NELL2: variants seen among roughly 807,000 people sequenced by gnomAD.
The protein encoded by NELL2 is protein kinase C-binding protein NELL2.
A neutral mutation model predicts 109.6 loss-of-function variants in NELL2; 41 were observed. The ratio of observed to expected loss-of-function variants is 0.37; its 90% CI spans 0.29 to 0.49. The LOEUF (loss-of-function observed/expected upper bound fraction) is 0.49, where lower values mean the gene tolerates loss of function less well. Ranked by LOEUF, NELL2 falls within the 20% of genes least tolerant of loss-of-function variation. NELL2 has a pLI of 0.98. For synonymous variants in NELL2, 355 were observed against 344.7 expected, an observed-to-expected ratio of 1.03 and a Z score of -0.33; for missense variants, 900 against 1,008.3, an observed-to-expected ratio of 0.89 and a Z score of 1.45.
intron 15 of NELL2, among the ~76,000 whole-genome samples, chr12:44,566,041 G>C (rs1943645487): frequency 6.6e-6 from 1 of 152,124 alleles, no homozygotes; most frequent in Non-Finnish European, 1.5e-5. Context: ...GACAGGGAAA[G>C]GAAACTTAGG....
At chr12:44,568,915 T>C (rs373223732) in intron 15 of NELL2, among the ~76,000 whole-genome samples, 16 of 152,260 alleles carry the variant, frequency 1.1e-4, no homozygotes, top group East Asian at 7.7e-4. Flanking sequence ...GGGGTGTATG[T>C]GCAGGTTTGT....
At chr12:44,809,151 T>C (rs1388445274) in intron 3 of NELL2, among the ~76,000 whole-genome samples, 1 of 151,996 alleles carries the variant, frequency 6.6e-6, no homozygotes, top group Non-Finnish European at 1.5e-5. Flanking sequence ...CCAAATCACA[T>C]GAAGGATAAC....
At chr12:44,681,560 C>G (rs938046928) in intron 12 of NELL2, among the ~76,000 whole-genome samples, 24 of 152,056 alleles carry the variant, frequency 1.6e-4, no homozygotes, top group Non-Finnish European at 1.6e-4. Flanking sequence ...AATGCTATCC[C>G]TCCCCTCTCC....
intron 15 of NELL2, among the ~76,000 whole-genome samples, chr12:44,589,987 C>T (rs753948677): frequency 6.6e-6 from 1 of 152,080 alleles, no homozygotes; most frequent in Non-Finnish European, 1.5e-5. Context: ...ATTCCTTTCC[C>T]TGAGTCACAC....
Position 44,522,106 on chromosome 12 carries a change from G to C in NELL2, c.2069C>G (p.Pro690Arg). 1 of 1,613,800 alleles carries C rather than the reference G, an allele frequency of 6.2e-7. No homozygotes were observed. The highest frequency in any genetic ancestry group is 8.5e-7 in the Non-Finnish European group (1 of 1,179,902). The change falls in exon 18 of 20, where the codon CCT becomes CGT. Residue 690 changes from proline (P) to arginine (R), a missense_variant. By Grantham distance (103) the Pro-to-Arg change is moderately radical. Coordinates refer to ENST00000429094, the MANE Select transcript of NELL2 (RefSeq NM_001145108.2). ...ENPTVDLFCC[P>R]ECDPRLSSQC... Reference sequence around the variant, plus strand: ...ACTACTAAGCCTTGGGTCACATTCAGGGCAGCAAAAAAGATCAACTGTGGG... The same window carrying C: ...ACTACTAAGCCTTGGGTCACATTCACGGCAGCAAAAAAGATCAACTGTGGG...
At chr12:44,521,898 T>C (rs1356536089) in intron 18 of NELL2, 102 bp downstream of exon 18, 1 of 1,142,274 alleles carries the variant, frequency 8.8e-7, no homozygotes, top group African/African-American at 1.5e-5. Flanking sequence ...CTGTCAACAC[T>C]GTGGCCTGGT....
rs1186378056 is a variant in NELL2, at chr12:44,886,134, AG to A, written c.39-10235del. Among the ~76,000 whole-genome samples, 401 of 151,434 alleles carry A rather than the reference AG, an allele frequency of 2.6e-3. 6 individuals are homozygous for A. The highest frequency in any genetic ancestry group is 9.1e-3 in the African/African-American group (372 of 41,078). On this transcript the variant is annotated intron_variant, in intron 1 of 20. Coordinates refer to the NELL2 transcript ENST00000333837. ...AAGGAAGGAAGGAAGGAAGGAAGGA[AG>A]GAAGGAAGGAAGAAAGGGAGAGAAT...
intron 13 of NELL2, among the ~76,000 whole-genome samples, chr12:44,614,297 A>G (rs1245714067): frequency 6.6e-6 from 1 of 152,030 alleles, no homozygotes; most frequent in Non-Finnish European, 1.5e-5. Context: ...TGTGTCTATG[A>G]ATTTGAAATT....
chr12:44,876,538 C>A (rs1945332126), upstream of NELL2: 3 of 1,441,206 alleles, frequency 2.1e-6, no homozygotes, highest in Non-Finnish European at 1.8e-6. Flanking sequence ...CCGGGCAATG[C>A]CAACCTCCTT....
intron 9 of NELL2, among the ~76,000 whole-genome samples, chr12:44,727,204 T>C (rs1939128565): frequency 6.6e-6 from 1 of 152,130 alleles, no homozygotes; most frequent in Admixed American, 6.6e-5. Flanking sequence ...TGAAAATATC[T>C]GTGTGGAATC....
rs763048826 is a variant in NELL2, at chr12:44,816,114, T to C, written c.207A>G (p.Ala69=). 4 of 1,609,868 alleles carry C rather than the reference T, an allele frequency of 2.5e-6. No homozygotes were observed. The South Asian group carries it at 4.4e-5, about 18-fold the overall frequency. Residue 69 remains alanine (A), a synonymous_variant, in exon 3 of 20, where the codon GCA becomes GCG. Transcript: ENST00000429094. ...LFQDTPRSIK[A]STATAEQFFQ... ...AAAACTGTTCAGCTGTAGCAGTGGATGCTTTTATGCTTCTGGGAGTATCTA... is the reference window on the plus strand; with the variant it reads ...AAAACTGTTCAGCTGTAGCAGTGGACGCTTTTATGCTTCTGGGAGTATCTA...
intron 9 of NELL2, among the ~76,000 whole-genome samples, chr12:44,721,465 T>C (rs1436988070): frequency 1.3e-5 from 2 of 152,162 alleles, no homozygotes; most frequent in Non-Finnish European, 2.9e-5. Flanking sequence ...AGAAATATAA[T>C]GTATAATATA....
chr12:44,668,641 G>T (rs1351040177), intron 12 of NELL2, among the ~76,000 whole-genome samples: 1 of 151,832 alleles, frequency 6.6e-6, no homozygotes, highest in East Asian at 1.9e-4. Flanking sequence ...GTATAGGCCC[G>T]CCATGCCTGC....
At chr12:44,673,898 T>C (rs915139626) in intron 12 of NELL2, among the ~76,000 whole-genome samples, 2 of 152,006 alleles carry the variant, frequency 1.3e-5, no homozygotes, top group African/African-American at 4.8e-5. Flanking sequence ...TAAACACTCA[T>C]AATGTACATA....
At chr12:44,559,705 C>T (rs1943396763) in intron 15 of NELL2, among the ~76,000 whole-genome samples, 1 of 152,160 alleles carries the variant, frequency 6.6e-6, no homozygotes, top group Non-Finnish European at 1.5e-5. Context: ...TACAAAGAGA[C>T]TTAGACTCCC....
At chr12:44,699,244 T>C (rs1331560735) in intron 12 of NELL2, among the ~76,000 whole-genome samples, 1 of 152,082 alleles carries the variant, frequency 6.6e-6, no homozygotes, top group Admixed American at 6.6e-5. Flanking sequence ...TGGATGGCGA[T>C]GAATATATAA....
At chr12:44,898,996 G>T (rs1472475305) in intron 1 of NELL2, among the ~76,000 whole-genome samples, 2 of 151,354 alleles carry the variant, frequency 1.3e-5, no homozygotes, top group African/African-American at 4.9e-5. Flanking sequence ...TCAAGTGGAG[G>T]AAAGGATATC....
chr12:44,750,597 A>G (rs1033589391), intron 9 of NELL2, among the ~76,000 whole-genome samples: 1 of 152,178 alleles, frequency 6.6e-6, no homozygotes, highest in Non-Finnish European at 1.5e-5. Context: ...CACTAGATTC[A>G]GGTGACCATT....
At chr12:44,668,151 C>T (rs999497843) in intron 12 of NELL2, among the ~76,000 whole-genome samples, 9 of 152,136 alleles carry the variant, frequency 5.9e-5, no homozygotes, top group Admixed American at 2.0e-4. Context: ...CAGCTGGACC[C>T]ATCAGTGCAA....
Sources: allele counts gnomAD v4.1 joint callset (sites outside exome capture counted in the v4.1 genomes callset), GRCh38; gene constraint gnomAD v4.1.1; transcripts MANE v1.5; gene names NCBI Gene and HGNC (gene_info 2026-07-23, HGNC 2026-07-21).